The following PRSS57 variants were observed in gnomAD, a reference collection of about 807,000 sequenced individuals.
PRSS57 encodes neutrophil serine protease 4.
Under a neutral mutation model 20.6 loss-of-function variants are expected in PRSS57, and 19 were observed. That is an observed-to-expected ratio of 0.92 (90% CI 0.64 to 1.35). The LOEUF is 1.35. Ranked by LOEUF, PRSS57 falls within the 40% of genes most tolerant of loss-of-function variation. PRSS57 has a pLI of 0.00. For missense variants in PRSS57, 440 were observed against 403.7 expected (o/e 1.09, Z -0.77); for synonymous variants, 203 against 176.6 (o/e 1.15, Z -1.19).
At chr19:686,081 C>A (rs191387026) in intron 4 of PRSS57, among the ~76,000 whole-genome samples, 159 bp from the exon 5 acceptor site, 1 of 152,138 alleles carries the variant, frequency 6.6e-6, no homozygotes. Context: ...ACCCAGCCCC[C>A]ACCCACTTCT....
chr19:687,452 C>G lies in PRSS57; in HGVS notation c.379-264G>C, dbSNP rs1164779823. On this transcript the variant is annotated intron_variant, in intron 3 of 4. Coordinates refer to ENST00000329267, the MANE Select transcript of PRSS57 (RefSeq NM_001308209.2). ...ATGGAGTCTCGCTCTGTCGCCCAGG[C>G]TGGAGTGCAGTGGCACAATCTTGGC... Among the ~76,000 whole-genome samples, 3 of 152,188 alleles carry G rather than the reference C, an allele frequency of 2.0e-5. No homozygotes were observed. The East Asian group carries it at 5.8e-4, about 29-fold the overall frequency.
intron 3 of PRSS57, 35 bp downstream of exon 3, chr19:691,823 A>G: frequency 7.6e-7 from 1 of 1,322,000 alleles, no homozygotes; most frequent in Non-Finnish European, 9.7e-7. Flanking sequence ...TGTCTCAAAA[A>G]CTAAACATAC....
chr19:692,530 C>T (rs62131272), intron 2 of PRSS57, among the ~76,000 whole-genome samples: 47,472 of 149,304 alleles, frequency 0.32, 9,090 homozygotes, highest in Middle Eastern at 0.43. Flanking sequence ...GATTCTCCTG[C>T]CTCAGCCCTC....
In PRSS57 at chr19:685,753, AG is replaced by A; in HGVS notation, c.811del (p.Leu271CysfsTer65). Reference protein sequence around the residue: ...VRRSSPQPGPLPGTTRPPGEA... With the variant: ...VRRSSPQPGPXPGTTRPPGEA... ...TCCTGGGGGCCTGGTGGTCCCAGGC[AG>A]GGGGCCGGGCTGGGGACTGCTCCGC... is the stretch of plus-strand genomic sequence containing the variant. On this transcript the variant is annotated frameshift_variant, in exon 5 of 5. Transcript: ENST00000329267. LOFTEE classifies it low-confidence loss of function (END_TRUNC). 4 of 1,559,648 alleles carry A rather than the reference AG, an allele frequency of 2.6e-6. No individual in the cohort carries two copies. Among genetic ancestry groups the A allele is most frequent in the Non-Finnish European group, 2.6e-6 (3 of 1,148,708 alleles).
intron 3 of PRSS57, chr19:691,097 G>A (rs985821515): frequency 8.6e-6 from 2 of 231,896 alleles, no homozygotes; most frequent in East Asian, 9.2e-5. Flanking sequence ...TCTCTTTCAG[G>A]TATTCACTGG....
chr19:693,229 CCTTTTTTTT>C lies in PRSS57; in HGVS notation c.234-1236_234-1228del, dbSNP rs1341574932. On this transcript the variant is annotated intron_variant, in intron 2 of 4. Transcript: ENST00000329267. ...TACAGGCGTGAGCCACCGCACCCGG[CCTTTTTTTT>C]TTTTTTTTTTTTGAGACAAGGTCTC... Among the ~76,000 whole-genome samples the C allele has an allele frequency of 6.4e-5, 7 of 109,128 alleles. 1 individual carries two copies. The highest frequency in any genetic ancestry group is 6.1e-4 in the Admixed American group (6 of 9,806). 71.6% of individuals were successfully genotyped at this position (109,128 alleles called of 152,430 possible). A position where few individuals can be genotyped will look rare whatever the true frequency, so the allele number is the denominator to read the frequency against.
At position 691,867 on chromosome 19, in the gene PRSS57, G is replaced by A. The variant is rs2031657467; in HGVS notation, c.369C>T (p.Cys123=). The A allele has an allele frequency of 7.5e-7, 1 of 1,334,068 alleles. No individual in the cohort carries two copies. Among genetic ancestry groups the A allele is most frequent in the African/African-American group, 1.5e-5 (1 of 66,640 alleles). 82.6% of individuals were successfully genotyped at this position (1,334,068 alleles called of 1,614,324 possible). The change falls in exon 3 of 5, where the codon TGC becomes TGT. Residue 123 remains cysteine (C), a synonymous_variant. Coordinates refer to ENST00000329267, the MANE Select transcript of PRSS57 (RefSeq NM_001308209.2). ...YHPMTHANDI[C]LLRLNGSAVL... is the part of the protein sequence containing the mutation. ...CACCCCCGGGGCTCACCCGCAGCAG[G>A]CAGATGTCGTTGGCGTGGGTCATGG...
intron 3 of PRSS57, 106 bp from the exon 4 acceptor site, chr19:687,294 A>C: frequency 7.6e-7 from 1 of 1,311,110 alleles, no homozygotes; most frequent in African/African-American, 1.5e-5. Context: ...AGCAAAATCA[A>C]TGGCGGCCAC....
chr19:694,490 C>T (rs998349671), intron 2 of PRSS57, among the ~76,000 whole-genome samples: 2 of 150,776 alleles, frequency 1.3e-5, no homozygotes, highest in African/African-American at 4.9e-5. Context: ...ATCGCTTGAG[C>T]CCGGGAGGTG....
At position 694,968 on chromosome 19, in the gene PRSS57, C is replaced by T; in HGVS notation, c.80-1G>A. ...CCGATGATCTGGGCCCCCCAGGAGC[C>T]TGCTGGAGGGACGGCCTGAGTCAGG... On this transcript the variant is annotated splice_acceptor_variant, in intron 1 of 4. Transcript: ENST00000329267. LOFTEE classifies it high-confidence loss of function. 6.5e-7 allele frequency: 1 copy of T among 1,532,834 alleles called. No individual in the cohort carries two copies. Among genetic ancestry groups the T allele is most frequent in the Non-Finnish European group, 8.8e-7 (1 of 1,139,826 alleles). The allele number at this position is 1,532,834 out of a possible 1,614,324, so 95.0% of individuals were successfully genotyped here. A position where few individuals can be genotyped will look rare whatever the true frequency, so the allele number is the denominator to read the frequency against.
At position 689,980 on chromosome 19, in the gene PRSS57, G is replaced by C. The variant is rs1025326965; in HGVS notation, c.378+1878C>G. ...AGGCAGGAGAATCGCTTGAACCCGG[G>C]AGATGGAGGTTGCAGTGAGCCCTGA... On this transcript the variant is annotated intron_variant, in intron 3 of 4. Transcript: ENST00000329267. Among the ~76,000 whole-genome samples the C allele has an allele frequency of 1.2e-4, 18 of 151,834 alleles. 1 individual carries two copies. The highest frequency in any genetic ancestry group is 1.1e-3 in the Admixed American group (16 of 15,230).
rs146346253 is a variant in PRSS57, at chr19:685,761, G to C, written c.804C>G (p.Pro268=). 3 of 1,563,764 alleles carry C rather than the reference G, an allele frequency of 1.9e-6. No homozygotes were observed. The highest frequency in any genetic ancestry group is 1.8e-5 in the Admixed American group (1 of 54,622). The change falls in exon 5 of 5, where the codon CCC becomes CCG. Residue 268 remains proline, a synonymous_variant. Coordinates refer to ENST00000329267, the MANE Select transcript of PRSS57 (RefSeq NM_001308209.2). The part of the protein sequence containing the change: ...WDVVRRSSPQ[P]GPLPGTTRPP... Reference sequence around the variant, plus strand: ...GCCTGGTGGTCCCAGGCAGGGGGCCGGGCTGGGGACTGCTCCGCCGAACCA... The same window carrying C: ...GCCTGGTGGTCCCAGGCAGGGGGCCCGGCTGGGGACTGCTCCGCCGAACCA...
Position 685,730 on chromosome 19 carries a change from C to T in PRSS57, c.835G>A (p.Gly279Arg), listed in dbSNP as rs745485976. 7 of 1,547,178 alleles carry T rather than the reference C, an allele frequency of 4.5e-6. No homozygotes were observed. In the Admixed American group the frequency reaches 1.1e-4, roughly 25 times the overall value. The change falls in exon 5 of 5, where the codon GGA (glycine) becomes AGA (arginine). Residue 279 changes from glycine to arginine, a missense_variant. Physicochemically the swap from Gly to Arg is moderately radical, Grantham distance 125 (BLOSUM62 -2). Coordinates refer to ENST00000329267, the MANE Select transcript of PRSS57 (RefSeq NM_001308209.2). The part of the protein sequence containing the change: ...GPLPGTTRPP[G>R]EAA ...AAGGTTGTGGCTCAGGCGGCTTCTC[C>T]TGGGGGCCTGGTGGTCCCAGGCAGG...
chr19:688,410 G>A (rs528092898), intron 3 of PRSS57, among the ~76,000 whole-genome samples: 10 of 148,640 alleles, frequency 6.7e-5, no homozygotes, highest in Admixed American at 6.0e-4. Flanking sequence ...GCGCAATCTC[G>A]GCTCACGGCA....
In PRSS57 at chr19:685,862, C is replaced by T; in HGVS notation, c.703G>A (p.Gly235Ser). 1.3e-6 allele frequency: 2 copies of T among 1,558,438 alleles called. No homozygotes were observed. The highest frequency in any genetic ancestry group is 8.7e-7 in the Non-Finnish European group (1 of 1,151,668). Residue 235 changes from glycine to serine, a missense_variant, in exon 5 of 5, where the codon GGC becomes AGC. Physicochemically the swap from Gly to Ser is moderately conservative, Grantham distance 56. Coordinates refer to ENST00000329267, the MANE Select transcript of PRSS57 (RefSeq NM_001308209.2). Reference sequence around the variant, plus strand: ...GTCTTGGGGTCGCCGCACCAGAGGCCCGAGAAGGAAACGAGGCCGTGAGCC... The same window carrying T: ...GTCTTGGGGTCGCCGCACCAGAGGCTCGAGAAGGAAACGAGGCCGTGAGCC... The part of the protein sequence containing the change: ...NRAHGLVSFS[G>S]LWCGDPKTPD...
intron 3 of PRSS57, among the ~76,000 whole-genome samples, chr19:688,616 T>TTTTTTTTTTTTTTGAGA (rs397814373): frequency 6.9e-6 from 1 of 145,850 alleles, no homozygotes; most frequent in Non-Finnish European, 1.5e-5. Flanking sequence ...TTTTTTTTTT[T>TTTTTTTTTTTTTTGAGA]CAGATGGAGT....
In PRSS57 at chr19:695,416, C is replaced by T; in HGVS notation, c.15G>A (p.Leu5=). ...TCAGCAGAGGACGTCCCCAGCCCCT[C>T]AACCCGAGCCCCATGGCAGACGCAG... MGLG[L]RGWGRPLLTV... is the part of the protein sequence containing the mutation. The change falls in exon 1 of 5, where the codon TTG becomes TTA. Residue 5 remains leucine (L), a synonymous_variant. Coordinates refer to ENST00000329267, the MANE Select transcript of PRSS57 (RefSeq NM_001308209.2). 7.9e-7 allele frequency: 1 copy of T among 1,269,230 alleles called. No individual in the cohort carries two copies. The highest frequency in any genetic ancestry group is 2.2e-4 in the Middle Eastern group (1 of 4,450). 78.6% of individuals were successfully genotyped at this position (1,269,230 alleles called of 1,614,324 possible). A position where few individuals can be genotyped will look rare whatever the true frequency, so the allele number is the denominator to read the frequency against.
intron 4 of PRSS57, among the ~76,000 whole-genome samples, chr19:686,509 C>G (rs1454927488): frequency 6.6e-6 from 1 of 152,118 alleles, no homozygotes; most frequent in Non-Finnish European, 1.5e-5. Flanking sequence ...TGGACAGTCT[C>G]ATTTCTCCTG....
At chr19:686,664 C>T (rs1426568598) in intron 4 of PRSS57, among the ~76,000 whole-genome samples, 5 of 152,158 alleles carry the variant, frequency 3.3e-5, no homozygotes, top group Non-Finnish European at 7.3e-5. Flanking sequence ...TGCTTCCTCT[C>T]AATCTGTTAC....
Sources: gnomAD v4.1 joint callset for allele counts (sites outside exome capture counted in the v4.1 genomes callset) on GRCh38, gnomAD v4.1.1 for gene constraint, MANE v1.5 for transcripts, NCBI Gene and HGNC (gene_info 2026-07-23, HGNC 2026-07-21) for gene names.